The following SLC24A2 variants were observed in gnomAD, a reference collection of about 807,000 sequenced individuals.
SLC24A2 encodes sodium/potassium/calcium exchanger 2.
Under a neutral mutation model 62.0 loss-of-function variants are expected in SLC24A2, and 36 were observed. The ratio of observed to expected loss-of-function variants is 0.58; its 90% CI spans 0.44 to 0.77. The LOEUF (loss-of-function observed/expected upper bound fraction) is 0.77. Among genes scored for constraint, SLC24A2 ranks in the 30% least tolerant of loss-of-function variants. The pLI, the probability that SLC24A2 is intolerant of heterozygous loss-of-function variation, is 0.00. For missense variants in SLC24A2, 846 were observed against 817.9 expected (o/e 1.03, Z -0.42); for synonymous variants, 358 against 294.0 (o/e 1.22, Z -2.23).
chr9:19,794,340 A>G, the SLC24A2 span, among the ~76,000 whole-genome samples: 1 of 152,188 alleles, frequency 6.6e-6, no homozygotes, highest in Non-Finnish European at 1.5e-5. Flanking sequence ...TCCTAAGTGA[A>G]TTAATGCAGG....
At chr9:19,551,908 C>A (rs181562819) in intron 7 of SLC24A2, among the ~76,000 whole-genome samples, 1 of 152,114 alleles carries the variant, frequency 6.6e-6, no homozygotes, top group African/African-American at 2.4e-5. Flanking sequence ...AAAAGGGATG[C>A]GAAGCCATAT....
the SLC24A2 span, among the ~76,000 whole-genome samples, chr9:19,828,096 T>C: frequency 6.6e-6 from 1 of 152,180 alleles, no homozygotes; most frequent in African/African-American, 2.4e-5. Context: ...CTATGATGAT[T>C]CCATTACAAG....
At chr9:20,037,621 A>T in the SLC24A2 span, among the ~76,000 whole-genome samples, 3 of 152,228 alleles carry the variant, frequency 2.0e-5, no homozygotes, top group African/African-American at 7.2e-5. Context: ...AATGTAAAAC[A>T]TGGTCCCAAA....
At chr9:20,208,614 C>T in the SLC24A2 span, among the ~76,000 whole-genome samples, 1 of 152,162 alleles carries the variant, frequency 6.6e-6, no homozygotes, top group South Asian at 2.1e-4. Flanking sequence ...ACAAATGTGG[C>T]ATATTTAAAT....
intron 5 of SLC24A2, among the ~76,000 whole-genome samples, chr9:19,587,588 C>G (rs1836413117): frequency 6.6e-6 from 1 of 152,008 alleles, no homozygotes; most frequent in African/African-American, 2.4e-5. Flanking sequence ...TACTTCAGAT[C>G]TAATCAAAAG....
the SLC24A2 span, among the ~76,000 whole-genome samples, chr9:20,239,301 T>C: frequency 6.6e-6 from 1 of 152,234 alleles, no homozygotes; most frequent in Non-Finnish European, 1.5e-5. Flanking sequence ...GCATGGGACA[T>C]TATAATAAAA....
chr9:20,178,690 G>C, the SLC24A2 span, among the ~76,000 whole-genome samples: 1 of 152,132 alleles, frequency 6.6e-6, no homozygotes, highest in South Asian at 2.1e-4. Flanking sequence ...CACCTAGCCT[G>C]GCTGGCATTG....
the SLC24A2 span, among the ~76,000 whole-genome samples, chr9:20,144,952 A>C: frequency 6.6e-6 from 1 of 152,172 alleles, no homozygotes; most frequent in Non-Finnish European, 1.5e-5. Flanking sequence ...CTTCCAAAGA[A>C]GGATAATAGA....
At chr9:20,197,254 T>C in the SLC24A2 span, among the ~76,000 whole-genome samples, 1 of 152,136 alleles carries the variant, frequency 6.6e-6, no homozygotes, top group Non-Finnish European at 1.5e-5. Context: ...GATTGCCAAA[T>C]TGTTTTCCAA....
chr9:20,302,892 C>T, the SLC24A2 span, among the ~76,000 whole-genome samples: 1 of 152,142 alleles, frequency 6.6e-6, no homozygotes, highest in Non-Finnish European at 1.5e-5. Context: ...ATTTTCACTA[C>T]TGTAAACAAT....
At chr9:20,104,260 G>A in the SLC24A2 span, among the ~76,000 whole-genome samples, 1 of 152,334 alleles carries the variant, frequency 6.6e-6, no homozygotes, top group Non-Finnish European at 1.5e-5. Flanking sequence ...ATGGAACCAA[G>A]TTGGAAAACA....
chr9:20,097,115 T>A, the SLC24A2 span, among the ~76,000 whole-genome samples: 1 of 152,192 alleles, frequency 6.6e-6, no homozygotes, highest in East Asian at 1.9e-4. Context: ...ATGTCCACCC[T>A]ACATCCTATA....
At chr9:20,263,889 A>G in the SLC24A2 span, among the ~76,000 whole-genome samples, 1 of 74,798 alleles carries the variant, frequency 1.3e-5, no homozygotes, top group Non-Finnish European at 2.5e-5. Flanking sequence ...AGGCTCTAAC[A>G]CAATGAAGGC....
chr9:20,032,106 G>A, the SLC24A2 span, among the ~76,000 whole-genome samples: 1 of 152,112 alleles, frequency 6.6e-6, no homozygotes, highest in Non-Finnish European at 1.5e-5. Context: ...TCTATACCTT[G>A]AACAGCCTTC....
the SLC24A2 span, among the ~76,000 whole-genome samples, chr9:19,813,317 CT>C: frequency 3.1e-3 from 271 of 86,270 alleles, 1 homozygote; most frequent in African/African-American, 9.3e-3. Context: ...TCATCTTCCT[CT>C]TTTTTTTTTT....
chr9:19,703,689 G>T (rs1212176976), intron 2 of SLC24A2, among the ~76,000 whole-genome samples: 1 of 152,066 alleles, frequency 6.6e-6, no homozygotes, highest in Non-Finnish European at 1.5e-5. Context: ...CATTTCAAGT[G>T]ATAACAGTGC....
In SLC24A2 at chr9:19,785,956, G is replaced by A; in HGVS notation, c.911C>T (p.Ala304Val). The A allele has an allele frequency of 6.2e-7, 1 of 1,614,178 alleles. No homozygotes were observed. The highest frequency in any genetic ancestry group is 8.5e-7 in the Non-Finnish European group (1 of 1,180,024). Residue 304 changes from alanine (A) to valine (V), a missense_variant, in exon 2 of 11, where the codon GCA becomes GTA. Ala to Val is a moderately conservative substitution (Grantham distance 64). Transcript: ENST00000341998. ...ACCAACCTTTGCTTGGGCTTCTGGT[G>A]CTGTCACCTTGACGACCTTATTGCG... is the stretch of plus-strand genomic sequence containing the variant. ...INRNKVVKVT[A>V]PEAQAKPSAA...
chr9:19,588,162 TTTTTTTTC>T (rs1399890913), intron 5 of SLC24A2, among the ~76,000 whole-genome samples: 1 of 124,844 alleles, frequency 8.0e-6, no homozygotes, highest in African/African-American at 3.0e-5. Context: ...TTCAATACAG[TTTTTTTTC>T]TTTTTTTCTT....
At chr9:20,028,424 G>A in the SLC24A2 span, among the ~76,000 whole-genome samples, 1 of 152,128 alleles carries the variant, frequency 6.6e-6, no homozygotes, top group East Asian at 1.9e-4. Flanking sequence ...ACATTGTTCA[G>A]GCTATTTATT....
Sources: allele counts gnomAD v4.1 joint callset (sites outside exome capture counted in the v4.1 genomes callset), GRCh38; gene constraint gnomAD v4.1.1; transcripts MANE v1.5; gene names NCBI Gene and HGNC (gene_info 2026-07-23, HGNC 2026-07-21).